CSNK2A1: variants seen among roughly 807,000 people sequenced by gnomAD.
CSNK2A1 encodes the protein casein kinase 2 alpha 1, also known as casein kinase II subunit alpha.
Under a neutral mutation model 62.9 loss-of-function variants are expected in CSNK2A1, and 10 were observed. That is an observed-to-expected ratio of 0.16 (90% CI 0.10 to 0.27). The LOEUF (loss-of-function observed/expected upper bound fraction) is 0.27. Ranked by LOEUF, CSNK2A1 falls within the 10% of genes least tolerant of loss-of-function variation. The pLI is 1.00. For synonymous variants in CSNK2A1, 124 were observed against 167.8 expected, an observed-to-expected ratio of 0.74 and a Z score of 2.02; for missense variants, 160 against 492.0, an observed-to-expected ratio of 0.33 and a Z score of 6.38.
rs1469079710 is a variant in CSNK2A1, at chr20:528,012, C to T, written c.-189G>A. On this transcript the variant is annotated 5_prime_UTR_variant, in exon 2 of 14. It removes an upstream start codon present in the reference 5' UTR. Coordinates refer to ENST00000217244, the MANE Select transcript of CSNK2A1 (RefSeq NM_177559.3). ...TGAGGTTCCACGCTGCATGATTTACCATGTGATGAGCACACTGCTTGACAA... is the reference window on the plus strand; with the variant it reads ...TGAGGTTCCACGCTGCATGATTTACTATGTGATGAGCACACTGCTTGACAA... 6.6e-6 allele frequency: 1 copy of T among 152,154 alleles called. No homozygotes were observed. Among genetic ancestry groups the T allele is most frequent in the Non-Finnish European group, 1.5e-5 (1 of 68,038 alleles). 9.4% of individuals were successfully genotyped at this position (152,154 alleles called of 1,614,324 possible).
chr20:478,401 T>C lies in CSNK2A1; in HGVS notation c.*5560A>G. ...ATGGCTAGAAATGTTTATCAATAGCTGAGACTCTGATTCCCAGGGTGGGAT... is the reference window on the plus strand; with the variant it reads ...ATGGCTAGAAATGTTTATCAATAGCCGAGACTCTGATTCCCAGGGTGGGAT... On this transcript the variant is annotated 3_prime_UTR_variant, in exon 14 of 14. Coordinates refer to ENST00000217244, the MANE Select transcript of CSNK2A1 (RefSeq NM_177559.3). 1 of 240,616 alleles carries C rather than the reference T, an allele frequency of 4.2e-6. No homozygotes were observed. Among genetic ancestry groups the C allele is most frequent in the Non-Finnish European group, 8.4e-6 (1 of 118,746 alleles). 14.9% of individuals were successfully genotyped at this position (240,616 alleles called of 1,614,324 possible).
At chr20:492,652 A>G (rs185418222) in intron 8 of CSNK2A1, 39 of 301,432 alleles carry the variant, frequency 1.3e-4, no homozygotes, top group Admixed American at 3.7e-4. Context: ...ATTGGTAAGC[A>G]TTTCCTTAAC....
Position 497,382 on chromosome 20 carries a change from A to G in CSNK2A1, c.426+339T>C, listed in dbSNP as rs970835020. 3.9e-5 allele frequency among the ~76,000 whole-genome samples: 6 copies of G among 152,216 alleles called. No homozygotes were observed. In the South Asian group the frequency reaches 6.2e-4, roughly 16 times the overall value. On this transcript the variant is annotated intron_variant, in intron 7 of 13. Coordinates refer to ENST00000217244, the MANE Select transcript of CSNK2A1 (RefSeq NM_177559.3). The stretch of plus-strand genomic sequence containing the variant: ...AGGCTGGTCTTGATCTCCTGGCCTC[A>G]AGCAATCCTCCTGCCTTGGCCTCCC...
At chr20:525,909 A>G (rs1026804996) in intron 2 of CSNK2A1, among the ~76,000 whole-genome samples, 8 of 147,536 alleles carry the variant, frequency 5.4e-5, no homozygotes, top group South Asian at 4.5e-4. Context: ...GGAGTCTGAG[A>G]TGGGAGGAAC....
At chr20:507,543 G>A (rs2018630427) in intron 3 of CSNK2A1, 1 of 152,214 alleles carries the variant, frequency 6.6e-6, no homozygotes, top group Admixed American at 6.5e-5. Flanking sequence ...AGAGAATTAG[G>A]AGGGCAAACA....
chr20:490,000 T>G, intron 9 of CSNK2A1, 119 bp from the exon 10 acceptor site: 1 of 673,288 alleles, frequency 1.5e-6, no homozygotes, highest in Non-Finnish European at 2.3e-6. Flanking sequence ...ATCAAAACAC[T>G]AATAACATCT....
chr20:492,672 A>AT (rs1485887604), intron 8 of CSNK2A1: 1 of 266,466 alleles, frequency 3.8e-6, no homozygotes, highest in African/African-American at 2.2e-5. Flanking sequence ...CTTTTGGAAT[A>AT]TTTAAGTCAG....
At chr20:542,860 G>A (rs991817561) in intron 1 of CSNK2A1, among the ~76,000 whole-genome samples, 1 of 152,158 alleles carries the variant, frequency 6.6e-6, no homozygotes, top group African/African-American at 2.4e-5. Context: ...CAAAGCAATA[G>A]CCAAGATGCA....
chr20:492,040 A>G (rs1313323547), intron 9 of CSNK2A1, among the ~76,000 whole-genome samples: 1 of 152,224 alleles, frequency 6.6e-6, no homozygotes, highest in African/African-American at 2.4e-5. Flanking sequence ...ATGCAAACCT[A>G]TTCATATTCT....
At chr20:523,858 C>CAAAAAAAA (rs11401840) in intron 2 of CSNK2A1, among the ~76,000 whole-genome samples, 662 of 45,516 alleles carry the variant, frequency 0.015, 34 homozygotes, top group Non-Finnish European at 0.022. Context: ...GACTCCATCT[C>CAAAAAAAA]AAAAAAAAAA....
At position 479,788 on chromosome 20, in the gene CSNK2A1, G is replaced by A. The variant is rs2017918997; in HGVS notation, c.*4173C>T. On this transcript the variant is annotated 3_prime_UTR_variant, in exon 14 of 14. Transcript: ENST00000217244. ...TAGTCTGAATTTCGTATTACACGTT[G>A]AGCATTTCTAATTTGAAAATACAAA... The A allele has an allele frequency of 6.6e-6, 1 of 152,146 alleles. No individual in the cohort carries two copies. Among genetic ancestry groups the A allele is most frequent in the South Asian group, 2.1e-4 (1 of 4,828 alleles). 9.4% of individuals were successfully genotyped at this position (152,146 alleles called of 1,614,324 possible). A position where few individuals can be genotyped will look rare whatever the true frequency, so the allele number is the denominator to read the frequency against.
intron 8 of CSNK2A1, chr20:494,537 T>C (rs78286968): frequency 3.7e-4 from 56 of 152,358 alleles, no homozygotes; most frequent in African/African-American, 1.3e-3. Flanking sequence ...GTATGAGAGA[T>C]CAAGTTTCTT....
intron 1 of CSNK2A1, among the ~76,000 whole-genome samples, chr20:528,603 C>A (rs1021384523): frequency 2.0e-5 from 3 of 151,138 alleles, no homozygotes; most frequent in Admixed American, 6.6e-5. Context: ...TCTTTTTTTT[C>A]TTTCTTTCTT....
chr20:538,107 C>T (rs1216649555), intron 1 of CSNK2A1, among the ~76,000 whole-genome samples: 7 of 151,968 alleles, frequency 4.6e-5, no homozygotes, highest in South Asian at 2.1e-4. Flanking sequence ...CACAGGCACG[C>T]ACCTCCACAC....
chr20:513,655 T>C lies in CSNK2A1; in HGVS notation c.-109-4995A>G, dbSNP rs1013455717. Among the ~76,000 whole-genome samples the C allele has an allele frequency of 3.3e-5, 5 of 152,212 alleles. 1 individual carries two copies. The highest frequency in any genetic ancestry group is 6.5e-5 in the Admixed American group (1 of 15,282). ...CTATTACTAGTCATGTACATTCTCA[T>C]CACCCAGTCTTCTTCTGCTGTTTCA... On this transcript the variant is annotated intron_variant, in intron 2 of 13. Coordinates refer to ENST00000217244, the MANE Select transcript of CSNK2A1 (RefSeq NM_177559.3).
intron 4 of CSNK2A1, chr20:504,742 C>T: frequency 5.2e-6 from 1 of 192,258 alleles, no homozygotes; most frequent in Non-Finnish European, 1.1e-5. Flanking sequence ...TCTGTCTGTC[C>T]CCCTCGAGTC....
intron 7 of CSNK2A1, 41 bp downstream of exon 7, chr20:497,680 A>G (rs750865535): frequency 6.6e-7 from 1 of 1,520,144 alleles, no homozygotes. Context: ...AACAAAAAGA[A>G]GACCAATTTA....
In CSNK2A1 at chr20:480,233, T is replaced by A. The variant is rs1018012222; in HGVS notation, c.*3728A>T. The stretch of plus-strand genomic sequence containing the variant: ...TTTATGCAACAATACTTCCATTTAC[T>A]TTGTGTGTGTGTGTGTGTGTGTGTG... On this transcript the variant is annotated 3_prime_UTR_variant, in exon 14 of 14. Transcript: ENST00000217244. 2.0e-5 allele frequency: 3 copies of A among 149,396 alleles called. No individual in the cohort carries two copies. The highest frequency in any genetic ancestry group is 7.5e-5 in the African/African-American group (3 of 40,060). 9.3% of individuals were successfully genotyped at this position (149,396 alleles called of 1,614,324 possible). A position where few individuals can be genotyped will look rare whatever the true frequency, so the allele number is the denominator to read the frequency against.
At chr20:485,095 A>AT (rs2018053800) in intron 13 of CSNK2A1, among the ~76,000 whole-genome samples, 2 of 37,982 alleles carry the variant, frequency 5.3e-5, no homozygotes, top group South Asian at 1.5e-3. Context: ...AAAAAAAAAA[A>AT]AAAAAAAAAA....
Sources: gnomAD v4.1 joint callset for allele counts (sites outside exome capture counted in the v4.1 genomes callset) on GRCh38, gnomAD v4.1.1 for gene constraint, MANE v1.5 for transcripts, NCBI Gene and HGNC (gene_info 2026-07-23, HGNC 2026-07-21) for gene names.